Variants in EFNA5 observed in about 807,000 individuals in gnomAD.
EFNA5 encodes ephrin-A5.
In EFNA5, 5 loss-of-function variants were observed where a neutral mutation model predicts 22.9. The ratio of observed to expected loss-of-function variants is 0.22; its 90% confidence interval spans 0.11 to 0.46. The LOEUF (loss-of-function observed/expected upper bound fraction) is 0.46, where lower values mean the gene tolerates loss of function less well. Among genes scored for constraint, EFNA5 ranks in the 20% least tolerant of loss-of-function variants. The pLI is 0.99. For synonymous variants in EFNA5, 113 were observed against 112.2 expected (o/e 1.01, Z -0.04); for missense variants, 237 against 293.3 (o/e 0.81, Z 1.40).
At chr5:107,452,213 C>T (rs1204307306) in intron 1 of EFNA5, among the ~76,000 whole-genome samples, 2 of 151,692 alleles carry the variant, frequency 1.3e-5, no homozygotes, top group African/African-American at 4.8e-5. Flanking sequence ...GGCCTTTTAC[C>T]GGGGTTGGGG....
chr5:107,432,856 T>C (rs570679845), intron 1 of EFNA5, among the ~76,000 whole-genome samples: 1 of 152,112 alleles, frequency 6.6e-6, no homozygotes, highest in East Asian at 1.9e-4. Context: ...GTGCCACCCC[T>C]GAGACAGCAA....
At chr5:107,452,341 A>G (rs1273154975) in intron 1 of EFNA5, among the ~76,000 whole-genome samples, 1 of 151,310 alleles carries the variant, frequency 6.6e-6, no homozygotes, top group African/African-American at 2.4e-5. Flanking sequence ...TTTCTTTTAG[A>G]AAAAAAAAGT....
At chr5:107,565,117 C>T (rs1748637103) in intron 1 of EFNA5, among the ~76,000 whole-genome samples, 1 of 152,150 alleles carries the variant, frequency 6.6e-6, no homozygotes, top group Non-Finnish European at 1.5e-5. Context: ...ACAATACTCT[C>T]CTTTCCACTG....
intron 1 of EFNA5, among the ~76,000 whole-genome samples, chr5:107,443,952 G>C (rs1255885323): frequency 6.6e-6 from 1 of 152,196 alleles, no homozygotes; most frequent in East Asian, 1.9e-4. Flanking sequence ...CAAGATCAGA[G>C]ACTAGGTCCT....
chr5:107,668,525 T>C (rs1751119951), intron 1 of EFNA5, among the ~76,000 whole-genome samples: 1 of 152,160 alleles, frequency 6.6e-6, no homozygotes, highest in Non-Finnish European at 1.5e-5. Context: ...TCTTTCCGTT[T>C]TAACCCAGGA....
chr5:107,494,132 G>A (rs1387906660), intron 1 of EFNA5, among the ~76,000 whole-genome samples: 3 of 152,234 alleles, frequency 2.0e-5, no homozygotes, highest in Non-Finnish European at 4.4e-5. Flanking sequence ...CTCTGCCTGG[G>A]CTCCCACTTT....
At chr5:107,536,277 A>G (rs914166579) in intron 1 of EFNA5, among the ~76,000 whole-genome samples, 1 of 152,230 alleles carries the variant, frequency 6.6e-6, no homozygotes, top group South Asian at 2.1e-4. Flanking sequence ...ATTCACCTGT[A>G]GCAACAGGCC....
At chr5:107,405,984 T>C (rs1748202975) in intron 2 of EFNA5, among the ~76,000 whole-genome samples, 1 of 116,168 alleles carries the variant, frequency 8.6e-6, no homozygotes, top group African/African-American at 3.2e-5. Flanking sequence ...AAAATACCTA[T>C]ATTTGTATAC....
intron 1 of EFNA5, among the ~76,000 whole-genome samples, chr5:107,494,413 G>C (rs1746910862): frequency 6.6e-6 from 1 of 152,216 alleles, no homozygotes. Flanking sequence ...GGGTGTACTG[G>C]GTGCCCCAGC....
At chr5:107,494,275 G>T (rs1456467756) in intron 1 of EFNA5, among the ~76,000 whole-genome samples, 2 of 152,076 alleles carry the variant, frequency 1.3e-5, no homozygotes, top group East Asian at 3.9e-4. Flanking sequence ...GGGCGGCTGC[G>T]GGCGGCGCTT....
At position 107,420,522 on chromosome 5, in the gene EFNA5, T is replaced by TAAA. The variant is rs368304882; in HGVS notation, c.418+6692_418+6694dup. ...TACACTTAACCAGAGTCTGTGCTTT[T>TAAA]AAAAAAAAAAAAAAAAAAGAAAAAA... On this transcript the variant is annotated intron_variant, in intron 2 of 4. Coordinates refer to ENST00000333274, the MANE Select transcript of EFNA5 (RefSeq NM_001962.3). Among the ~76,000 whole-genome samples, 31 of 109,050 alleles carry TAAA rather than the reference T, an allele frequency of 2.8e-4. 1 individual carries two copies. Among genetic ancestry groups the TAAA allele is most frequent in the African/African-American group, 9.4e-4 (25 of 26,564 alleles). The allele number at this position is 109,050 out of a possible 152,430, so 71.5% of individuals were successfully genotyped here.
rs116552705 is a variant in EFNA5 at position 107,664,680 on chromosome 5, A to G, written c.125+5809T>C. Among the ~76,000 whole-genome samples, 439 of 152,246 alleles carry G rather than the reference A, an allele frequency of 2.9e-3. 3 individuals are homozygous for G. The highest frequency in any genetic ancestry group is 0.01 in the African/African-American group (419 of 41,542). On this transcript the variant is annotated intron_variant, in intron 1 of 4. Coordinates refer to ENST00000333274, the MANE Select transcript of EFNA5 (RefSeq NM_001962.3). Reference sequence around the variant, plus strand: ...AGGTGTTATCCATCACAAATGATCAAAGGGCAATTTTTTTCCTCAGTTCAG... The same window carrying G: ...AGGTGTTATCCATCACAAATGATCAGAGGGCAATTTTTTTCCTCAGTTCAG...
chr5:107,406,812 A>G (rs1444831533), intron 2 of EFNA5, among the ~76,000 whole-genome samples: 1 of 152,206 alleles, frequency 6.6e-6, no homozygotes, highest in Non-Finnish European at 1.5e-5. Flanking sequence ...TACCTGTTGA[A>G]TGAAGTAAGA....
chr5:107,423,368 T>C (rs371666757), intron 2 of EFNA5, among the ~76,000 whole-genome samples: 2 of 150,900 alleles, frequency 1.3e-5, no homozygotes, highest in East Asian at 3.9e-4. Flanking sequence ...TATTTAAGAG[T>C]ATCATTTCTA....
chr5:107,495,194 A>G (rs954994836), intron 1 of EFNA5, among the ~76,000 whole-genome samples: 3 of 152,246 alleles, frequency 2.0e-5, no homozygotes, highest in Admixed American at 1.3e-4. Flanking sequence ...TTGGGTCCAC[A>G]CTGCCTTTAT....
rs76409221 is a variant in EFNA5, at chr5:107,543,722, C to T, written c.126-116213G>A. Among the ~76,000 whole-genome samples, 135 of 152,006 alleles carry T rather than the reference C, an allele frequency of 8.9e-4. No homozygotes were observed. In the Middle Eastern group the frequency reaches 0.01, roughly 11 times the overall value. The stretch of plus-strand genomic sequence containing the variant: ...CAAAGTATAATTTAAAAAAAAAACC[C>T]TTTTTTCATAGGAATGAAAACCATT... On this transcript the variant is annotated intron_variant, in intron 1 of 4. Coordinates refer to ENST00000333274, the MANE Select transcript of EFNA5 (RefSeq NM_001962.3).
intron 2 of EFNA5, among the ~76,000 whole-genome samples, chr5:107,425,805 G>C (rs1382882113): frequency 1.3e-5 from 2 of 152,184 alleles, no homozygotes; most frequent in Admixed American, 1.3e-4. Flanking sequence ...TGGAGAAGGA[G>C]AGGAGCTAGA....
chr5:107,399,028 A>G (rs72785818), intron 2 of EFNA5, among the ~76,000 whole-genome samples: 26,400 of 152,088 alleles, frequency 0.17, 2,526 homozygotes, highest in East Asian at 0.31. Flanking sequence ...CCCTGCCCAC[A>G]CTGCTGGCTC....
chr5:107,608,250 G>A (rs539756411), intron 1 of EFNA5, among the ~76,000 whole-genome samples: 11 of 152,252 alleles, frequency 7.2e-5, no homozygotes, highest in African/African-American at 2.6e-4. Context: ...TTGCTTTTCA[G>A]TTCAGTCCCC....
Sources: allele counts gnomAD v4.1 joint callset (sites outside exome capture counted in the v4.1 genomes callset), GRCh38; gene constraint gnomAD v4.1.1; transcripts MANE v1.5; gene names NCBI Gene and HGNC (gene_info 2026-07-23, HGNC 2026-07-21).